LNX1: variants seen among roughly 807,000 people sequenced by gnomAD.
LNX1 encodes ligand of numb-protein X 1, also known as E3 ubiquitin-protein ligase LNX.
Under a neutral mutation model 68.4 loss-of-function variants are expected in LNX1, and 54 were observed. The ratio of observed to expected loss-of-function variants is 0.79; its 90% CI spans 0.63 to 0.99. The LOEUF (loss-of-function observed/expected upper bound fraction) is 0.99, where lower values mean the gene tolerates loss of function less well. Among genes scored for constraint, LNX1 ranks in the 50% least tolerant of loss-of-function variants. The pLI is 0.00. For synonymous variants in LNX1, 336 were observed against 350.0 expected, an observed-to-expected ratio of 0.96 and a Z score of 0.45; for missense variants, 906 against 926.4, an observed-to-expected ratio of 0.98 and a Z score of 0.29.
intron 2 of LNX1, among the ~76,000 whole-genome samples, chr4:53,597,344 G>A (rs1732797622): frequency 6.6e-6 from 1 of 152,070 alleles, no homozygotes; most frequent in African/African-American, 2.4e-5. Context: ...TCTGGCCCCT[G>A]TCTGCCTTCA....
At chr4:53,568,748 T>A (rs550802200) in intron 2 of LNX1, among the ~76,000 whole-genome samples, 1 of 151,960 alleles carries the variant, frequency 6.6e-6, no homozygotes, top group Admixed American at 6.5e-5. Flanking sequence ...GACATGATTG[T>A]ATATCTAGAA....
At chr4:53,488,465 C>T (rs749491950) in intron 6 of LNX1, among the ~76,000 whole-genome samples, 2 of 152,140 alleles carry the variant, frequency 1.3e-5, no homozygotes, top group Non-Finnish European at 2.9e-5. Context: ...GTTCTGGACT[C>T]GCTGTAATAA....
At chr4:53,619,047 G>A (rs568176974), upstream of LNX1, among the ~76,000 whole-genome samples, 2 of 152,134 alleles carry the variant, frequency 1.3e-5, no homozygotes, top group South Asian at 2.1e-4. Flanking sequence ...CACTGCACTC[G>A]ACCTCACTTT....
upstream of LNX1, among the ~76,000 whole-genome samples, chr4:53,592,306 T>C (rs1732546017): frequency 6.6e-6 from 1 of 152,206 alleles, no homozygotes; most frequent in African/African-American, 2.4e-5. Flanking sequence ...GAGTTATTTC[T>C]GTCCCAAGCG....
chr4:53,481,282 G>A (rs1237680380), intron 7 of LNX1, among the ~76,000 whole-genome samples: 2 of 152,126 alleles, frequency 1.3e-5, no homozygotes, highest in Non-Finnish European at 2.9e-5. Context: ...TTATCTTCCT[G>A]GGCCCTTCGG....
In LNX1 at chr4:53,639,684, G is replaced by A. The variant is rs561093008; in HGVS notation, c.-215+12484C>T. Among the ~76,000 whole-genome samples the A allele has an allele frequency of 1.1e-4, 16 of 152,238 alleles. No individual in the cohort carries two copies. In the East Asian group the frequency reaches 1.9e-3, roughly 18 times the overall value. On this transcript the variant is annotated intron_variant, in intron 1 of 2. Transcript: ENST00000507168. ...TTCTTCTGTCGCCCACTTACCAGCT[G>A]TTCATATCTCATGACTGCAAACACA...
chr4:53,500,066 T>G (rs530238703), intron 4 of LNX1: 7 of 152,250 alleles, frequency 4.6e-5, no homozygotes, highest in African/African-American at 7.2e-5. Context: ...GGTTTAAGGC[T>G]GAGAGAAGGG....
chr4:53,625,252 TC>T (rs1734029188), intron 1 of LNX1, among the ~76,000 whole-genome samples: 1 of 152,094 alleles, frequency 6.6e-6, no homozygotes, highest in Non-Finnish European at 1.5e-5. Context: ...TTTTTGAGCC[TC>T]CAAGGACACT....
At chr4:53,511,430 T>C (rs11935144) in intron 2 of LNX1, among the ~76,000 whole-genome samples, 34,516 of 152,186 alleles carry the variant, frequency 0.23, 4,603 homozygotes, top group Non-Finnish European at 0.3. Flanking sequence ...TCAGTTACTC[T>C]GAGCACTAAG....
At chr4:53,536,679 G>A (rs1728397097) in intron 2 of LNX1, among the ~76,000 whole-genome samples, 1 of 152,258 alleles carries the variant, frequency 6.6e-6, no homozygotes, top group Non-Finnish European at 1.5e-5. Flanking sequence ...TTCCTCAAAT[G>A]AATGCTTTAA....
chr4:53,640,958 C>A (rs911327580), intron 1 of LNX1, among the ~76,000 whole-genome samples: 1 of 152,184 alleles, frequency 6.6e-6, no homozygotes, highest in Non-Finnish European at 1.5e-5. Flanking sequence ...AATCCCTGGC[C>A]GGGGCTGAGG....
intron 2 of LNX1, among the ~76,000 whole-genome samples, chr4:53,572,401 C>T (rs1731224439): frequency 6.6e-6 from 1 of 152,178 alleles, no homozygotes; most frequent in African/African-American, 2.4e-5. Flanking sequence ...AAAATGAATT[C>T]ACTGACATAA....
At position 53,554,426 on chromosome 4, in the gene LNX1, T is replaced by C. The variant is rs367815411; in HGVS notation, c.380+19197A>G. Among the ~76,000 whole-genome samples, 8 of 152,376 alleles carry C rather than the reference T, an allele frequency of 5.3e-5. No homozygotes were observed. In the East Asian group the frequency reaches 1.3e-3, roughly 26 times the overall value. On this transcript the variant is annotated intron_variant, in intron 2 of 10. Transcript: ENST00000263925. ...CCAAACCAGGCATGCCTAAGTGATC[T>C]GCTAAATTGGACACAGGGTTGTTGT...
chr4:53,633,142 A>G (rs1051478767), intron 1 of LNX1, among the ~76,000 whole-genome samples: 11 of 152,210 alleles, frequency 7.2e-5, no homozygotes, highest in African/African-American at 2.7e-4. Context: ...TGCCCTCTCT[A>G]TATAATGCAG....
intron 1 of LNX1, among the ~76,000 whole-genome samples, chr4:53,647,623 A>G (rs1437967248): frequency 2.6e-5 from 4 of 152,242 alleles, no homozygotes; most frequent in African/African-American, 4.8e-5. Flanking sequence ...TACACATAAC[A>G]TGAAACTTGC....
At chr4:53,558,287 G>A (rs747351673) in intron 2 of LNX1, 100 of 1,125,964 alleles carry the variant, frequency 8.9e-5, no homozygotes, top group Non-Finnish European at 1.1e-4. Context: ...TTCTTGGGAA[G>A]CAGCTGGTAC....
intron 2 of LNX1, among the ~76,000 whole-genome samples, chr4:53,515,212 C>A (rs1290929736): frequency 1.3e-5 from 2 of 152,218 alleles, no homozygotes; most frequent in African/African-American, 2.4e-5. Context: ...TGGAGTCCCA[C>A]ATCACTTAAG....
chr4:53,460,882 G>T lies in LNX1; in HGVS notation c.*25C>A. The T allele has an allele frequency of 1.3e-6, 2 of 1,590,014 alleles. No homozygotes were observed. The highest frequency in any genetic ancestry group is 1.4e-5 in the African/African-American group (1 of 73,428). ...TTCTTAGCCTATTTGTGATTTTTCT[G>T]TTTTCCTCTGACCCATCATTGATTC... On this transcript the variant is annotated 3_prime_UTR_variant, in exon 11 of 11. Coordinates refer to ENST00000263925, the MANE Select transcript of LNX1 (RefSeq NM_001126328.3).
At chr4:53,564,887 A>G (rs13127527) in intron 2 of LNX1, among the ~76,000 whole-genome samples, 88,875 of 152,024 alleles carry the variant, frequency 0.58, 26,336 homozygotes, top group Non-Finnish European at 0.63. Flanking sequence ...AAGGGGTGAC[A>G]GACAGCACCG....
Sources: allele counts gnomAD v4.1 joint callset (sites outside exome capture counted in the v4.1 genomes callset), GRCh38; gene constraint gnomAD v4.1.1; transcripts MANE v1.5; gene names NCBI Gene and HGNC (gene_info 2026-07-23, HGNC 2026-07-21).